ZDHHC13: variants seen among roughly 807,000 people sequenced by gnomAD.
ZDHHC13 encodes zDHHC palmitoyltransferase 13.
Under a neutral mutation model 86.0 loss-of-function variants are expected in ZDHHC13, and 85 were observed. The observed-to-expected ratio is 0.99, with a 90% CI of 0.83 to 1.18. The LOEUF (loss-of-function observed/expected upper bound fraction) is 1.18. Among genes scored for constraint, ZDHHC13 ranks in the 50% most tolerant of loss-of-function variants. The pLI is 0.00. For synonymous variants in ZDHHC13, 263 were observed against 246.4 expected, an observed-to-expected ratio of 1.07 and a Z score of -0.63; for missense variants, 711 against 730.2, an observed-to-expected ratio of 0.97 and a Z score of 0.30.
chr11:19,164,209 G>A (rs1167009373), intron 11 of ZDHHC13, 92 bp from the exon 12 acceptor site: 23 of 1,326,360 alleles, frequency 1.7e-5, no homozygotes, highest in Non-Finnish European at 2.4e-5. Flanking sequence ...AACTACTTCA[G>A]TTTGGAGCGA....
At position 19,175,802 on chromosome 11, in the gene ZDHHC13, CT is replaced by C. The variant is rs369385790; in HGVS notation, c.1731-9del. The C allele has an allele frequency of 0.062, 70,480 of 1,144,550 alleles. 1,450 individuals carry two copies. Among genetic ancestry groups the C allele is most frequent in the East Asian group, 0.15 (4,909 of 32,328 alleles). The allele number at this position is 1,144,550 out of a possible 1,614,324, so 70.9% of individuals were successfully genotyped here. Reference sequence around the variant, plus strand: ...CAGGAAATATAGTAAGACATGTTCTCTTTTTTTTTTTCTTGGCAGTCTTGGA... The same window carrying C: ...CAGGAAATATAGTAAGACATGTTCTCTTTTTTTTTTCTTGGCAGTCTTGGA... On this transcript the variant is annotated intron_variant, in intron 16 of 16. Coordinates refer to ENST00000446113, the MANE Select transcript of ZDHHC13 (RefSeq NM_019028.3).
intron 15 of ZDHHC13, among the ~76,000 whole-genome samples, chr11:19,172,329 C>T (rs1023268638): frequency 1.3e-5 from 2 of 152,148 alleles, no homozygotes; most frequent in African/African-American, 4.8e-5. Flanking sequence ...CCTCGGCCTG[C>T]CAAAGTGCTG....
Position 19,133,879 on chromosome 11 carries a change from G to A in ZDHHC13, c.28-9099G>A, listed in dbSNP as rs139829740. On this transcript the variant is annotated intron_variant, in intron 1 of 16. Coordinates refer to ENST00000446113, the MANE Select transcript of ZDHHC13 (RefSeq NM_019028.3). ...TGACTTAGGTAGTGGTTTCATGGAG[G>A]TTCATTTTATATTTATTCTTTACTC... Among the ~76,000 whole-genome samples, 1,181 of 131,680 alleles carry A rather than the reference G, an allele frequency of 9.0e-3. 26 individuals are homozygous for A. Among genetic ancestry groups the A allele is most frequent in the African/African-American group, 0.032 (1,124 of 35,288 alleles). The allele number at this position is 131,680 out of a possible 152,430, so 86.4% of individuals were successfully genotyped here. A position where few individuals can be genotyped will look rare whatever the true frequency, so the allele number is the denominator to read the frequency against.
rs571785769 is a variant in ZDHHC13, at chr11:19,135,405, C to G, written c.28-7573C>G. Reference sequence around the variant, plus strand: ...CGCACCAGGAGATTATATCCCGCACCTGGCTCGGAGGGGCCTACGCCCATG... The same window carrying G: ...CGCACCAGGAGATTATATCCCGCACGTGGCTCGGAGGGGCCTACGCCCATG... On this transcript the variant is annotated intron_variant, in intron 1 of 16. Transcript: ENST00000446113. 3.3e-3 allele frequency among the ~76,000 whole-genome samples: 497 copies of G among 152,368 alleles called. 2 individuals are homozygous for G. The highest frequency in any genetic ancestry group is 0.01 in the Middle Eastern group (3 of 294).
At chr11:19,125,139 A>G (rs1343826583) in intron 1 of ZDHHC13, among the ~76,000 whole-genome samples, 1 of 152,214 alleles carries the variant, frequency 6.6e-6, no homozygotes. Flanking sequence ...TTTAAAATTT[A>G]AAACTTCTGC....
intron 1 of ZDHHC13, among the ~76,000 whole-genome samples, chr11:19,139,235 C>G (rs1365129354): frequency 1.3e-5 from 2 of 152,112 alleles, no homozygotes; most frequent in East Asian, 3.9e-4. Flanking sequence ...ACAAAATCAA[C>G]GTACAAAAAT....
chr11:19,172,622 C>A, intron 15 of ZDHHC13, 101 bp from the exon 16 acceptor site: 1 of 860,356 alleles, frequency 1.2e-6, no homozygotes, highest in East Asian at 3.0e-5. Flanking sequence ...CTAAGGAGAA[C>A]ACACAAATTG....
chr11:19,139,667 C>T (rs572809770), intron 1 of ZDHHC13, among the ~76,000 whole-genome samples: 6 of 151,732 alleles, frequency 4.0e-5, no homozygotes, highest in African/African-American at 1.5e-4. Flanking sequence ...TCAAACAATA[C>T]TACAAGGCTA....
intron 1 of ZDHHC13, among the ~76,000 whole-genome samples, chr11:19,125,777 A>G (rs922982083): frequency 1.3e-5 from 2 of 152,216 alleles, no homozygotes; most frequent in African/African-American, 4.8e-5. Flanking sequence ...TATTGATAAC[A>G]TACAACAACT....
At chr11:19,118,472 G>A (rs1005453833) in intron 1 of ZDHHC13, among the ~76,000 whole-genome samples, 3 of 152,186 alleles carry the variant, frequency 2.0e-5, no homozygotes, top group Admixed American at 1.3e-4. Context: ...TGGAAACAGC[G>A]CCTCATTCTT....
At chr11:19,141,070 A>T (rs1349683070) in intron 1 of ZDHHC13, among the ~76,000 whole-genome samples, 1 of 151,774 alleles carries the variant, frequency 6.6e-6, no homozygotes, top group African/African-American at 2.4e-5. Context: ...GTAGTATAAT[A>T]ATAAAAAAAA....
intron 1 of ZDHHC13, among the ~76,000 whole-genome samples, chr11:19,140,579 G>T (rs1429111424): frequency 6.6e-6 from 1 of 152,056 alleles, no homozygotes; most frequent in African/African-American, 2.4e-5. Context: ...TATGCCCAAA[G>T]GACTATAAAT....
intron 9 of ZDHHC13, among the ~76,000 whole-genome samples, chr11:19,158,591 A>G (rs2133447092): frequency 6.6e-6 from 1 of 152,350 alleles, no homozygotes; most frequent in South Asian, 2.1e-4. Context: ...ATTTAAAAAT[A>G]TATGCCAAAA....
chr11:19,164,438 A>G (rs766022377), intron 12 of ZDHHC13, 75 bp downstream of exon 12: 212 of 1,385,720 alleles, frequency 1.5e-4, no homozygotes, highest in Non-Finnish European at 2.1e-4. Context: ...AGCATTTGTC[A>G]GATCTTCATG....
chr11:19,161,150 G>T lies in ZDHHC13; in HGVS notation c.1108+2110G>T, dbSNP rs562847093. 1.6e-4 allele frequency among the ~76,000 whole-genome samples: 25 copies of T among 152,104 alleles called. No homozygotes were observed. The East Asian group carries it at 4.8e-3, about 29-fold the overall frequency. On this transcript the variant is annotated intron_variant, in intron 10 of 16. Coordinates refer to ENST00000446113, the MANE Select transcript of ZDHHC13 (RefSeq NM_019028.3). Reference sequence around the variant, plus strand: ...CCGCCCTGGGTTTTAGGCTAGCTTTGTCTCAGGCTGCCGTCTGGATTGAAT... The same window carrying T: ...CCGCCCTGGGTTTTAGGCTAGCTTTTTCTCAGGCTGCCGTCTGGATTGAAT...
At position 19,173,975 on chromosome 11, in the gene ZDHHC13, G is replaced by A. The variant is rs562853591; in HGVS notation, c.1730+1155G>A. Among the ~76,000 whole-genome samples, 36 of 152,190 alleles carry A rather than the reference G, an allele frequency of 2.4e-4. 1 individual carries two copies. In the South Asian group the frequency reaches 3.9e-3, roughly 17 times the overall value. Reference sequence around the variant, plus strand: ...GAACTCAAGGGAAAACCTGAGTCCCGCCCAAACCAAAGATTTTACTTGTTT... The same window carrying A: ...GAACTCAAGGGAAAACCTGAGTCCCACCCAAACCAAAGATTTTACTTGTTT... On this transcript the variant is annotated intron_variant, in intron 16 of 16. Transcript: ENST00000446113.
At position 19,175,950 on chromosome 11, in the gene ZDHHC13, G is replaced by A. The variant is rs529408426; in HGVS notation, c.1859G>A (p.Arg620His). The change falls in exon 17 of 17, where the codon CGC becomes CAC. Residue 620 changes from arginine to histidine, a missense_variant. Transcript: ENST00000446113. ...CACCCAGCCAGGGAGAAGGTTCTTCGCTCAGTATGAAGAAAAGCAACCCAA... is the reference window on the plus strand; with the variant it reads ...CACCCAGCCAGGGAGAAGGTTCTTCACTCAGTATGAAGAAAAGCAACCCAA... Reference protein sequence around the residue: ...VFHPAREKVLRSV With the variant: ...VFHPAREKVLHSV 31 of 1,606,790 alleles carry A rather than the reference G, an allele frequency of 1.9e-5. No homozygotes were observed. The highest frequency in any genetic ancestry group is 1.7e-4 in the Middle Eastern group (1 of 6,050).
intron 10 of ZDHHC13, among the ~76,000 whole-genome samples, chr11:19,160,863 G>A (rs1030781732): frequency 2.3e-4 from 35 of 151,714 alleles, no homozygotes; most frequent in Admixed American, 1.5e-3. Flanking sequence ...TTAGTGGGTC[G>A]TGGAAGAATT....
chr11:19,117,384 C>T lies in ZDHHC13; in HGVS notation c.27+108C>T, dbSNP rs532194866. ...CCGCTCGATGAGGGGGTTTCGGGAG[C>T]GGCGGGGCCTAGGTCTGGGAAGCGG... On this transcript the variant is annotated intron_variant, in intron 1 of 16. Transcript: ENST00000446113. The surrounding 1 kb of genome is among the most constrained non-coding windows in gnomAD (Gnocchi z 4.2). 7.3e-5 allele frequency: 86 copies of T among 1,173,056 alleles called. No homozygotes were observed. Among genetic ancestry groups the T allele is most frequent in the Non-Finnish European group, 9.7e-5 (86 of 884,386 alleles). 72.7% of individuals were successfully genotyped at this position (1,173,056 alleles called of 1,614,324 possible).
Sources: allele counts gnomAD v4.1 joint callset (sites outside exome capture counted in the v4.1 genomes callset), GRCh38; gene constraint gnomAD v4.1.1; non-coding constraint Gnocchi (gnomAD v3.1); transcripts MANE v1.5; gene names NCBI Gene and HGNC (gene_info 2026-07-23, HGNC 2026-07-21).